The following CNTN4 variants were observed in gnomAD, a reference collection of about 807,000 sequenced individuals.
CNTN4 encodes contactin 4.
A neutral mutation model predicts 122.5 loss-of-function variants in CNTN4; 77 were observed. That is an observed-to-expected ratio of 0.63 (90% CI 0.52 to 0.76). The LOEUF (loss-of-function observed/expected upper bound fraction) is 0.76, where lower values mean the gene tolerates loss of function less well. Ranked by LOEUF, CNTN4 falls within the 30% of genes least tolerant of loss-of-function variation. The pLI, the probability that CNTN4 is intolerant of heterozygous loss-of-function variation, is 0.00. For synonymous variants in CNTN4, 512 were observed against 447.0 expected (o/e 1.15, Z -1.83); for missense variants, 1,256 against 1,259.1 (o/e 1.00, Z 0.04).
chr3:2,219,219 C>T (rs2038967537), intron 2 of CNTN4, among the ~76,000 whole-genome samples: 1 of 152,122 alleles, frequency 6.6e-6, no homozygotes, highest in Admixed American at 6.5e-5. Context: ...TAACCAGTTC[C>T]TTGTTTAACA....
At chr3:2,355,770 T>A (rs1575447635) in intron 3 of CNTN4, among the ~76,000 whole-genome samples, 1 of 152,282 alleles carries the variant, frequency 6.6e-6, no homozygotes, top group South Asian at 2.1e-4. Context: ...AATCTCCTGC[T>A]CCAAACAGTT....
chr3:2,729,197 A>G (rs2088461101), intron 4 of CNTN4, among the ~76,000 whole-genome samples: 1 of 152,232 alleles, frequency 6.6e-6, no homozygotes, highest in African/African-American at 2.4e-5. Context: ...CCCACGGAGT[A>G]GCCGCAGAGT....
chr3:2,678,090 C>T (rs939125624), intron 4 of CNTN4, among the ~76,000 whole-genome samples: 3 of 152,042 alleles, frequency 2.0e-5, no homozygotes, highest in Non-Finnish European at 2.9e-5. Context: ...AAAGGGGGTA[C>T]ATTTTCTTCT....
chr3:2,824,314 T>A (rs1303024213), intron 7 of CNTN4, among the ~76,000 whole-genome samples: 1 of 151,838 alleles, frequency 6.6e-6, no homozygotes, highest in Non-Finnish European at 1.5e-5. Context: ...ATACAAAAAT[T>A]AGTCTGCTGG....
At chr3:2,529,620 C>G (rs1414255335) in intron 3 of CNTN4, among the ~76,000 whole-genome samples, 1 of 152,064 alleles carries the variant, frequency 6.6e-6, no homozygotes, top group Admixed American at 6.5e-5. Context: ...GTCAAGAAAT[C>G]AACATGAGAG....
intron 6 of CNTN4, among the ~76,000 whole-genome samples, chr3:2,766,543 A>G (rs1412630933): frequency 6.6e-6 from 1 of 152,202 alleles, no homozygotes; most frequent in East Asian, 1.9e-4. Flanking sequence ...GAGCTAAGCT[A>G]TGAGGACGCA....
chr3:2,857,648 G>A (rs1041788766), intron 7 of CNTN4, among the ~76,000 whole-genome samples: 7 of 152,134 alleles, frequency 4.6e-5, no homozygotes, highest in Admixed American at 3.3e-4. Flanking sequence ...TGCGATTATG[G>A]TTCACTGCCG....
intron 2 of CNTN4, among the ~76,000 whole-genome samples, chr3:2,334,467 C>A (rs757742864): frequency 6.6e-6 from 1 of 152,090 alleles, no homozygotes; most frequent in African/African-American, 2.4e-5. Flanking sequence ...CCCATTTTAT[C>A]TTTTGAAGAA....
chr3:2,644,542 T>A (rs2150140582), intron 4 of CNTN4, among the ~76,000 whole-genome samples: 1 of 151,880 alleles, frequency 6.6e-6, no homozygotes, highest in Admixed American at 6.6e-5. Flanking sequence ...CATCACTCAA[T>A]TCAGATGTAT....
At chr3:2,800,337 G>A (rs572001936) in intron 6 of CNTN4, among the ~76,000 whole-genome samples, 53 of 151,438 alleles carry the variant, frequency 3.5e-4, no homozygotes, top group African/African-American at 1.2e-3. Context: ...AATTTTTTTC[G>A]GGTCTAGACT....
intron 9 of CNTN4, among the ~76,000 whole-genome samples, chr3:2,885,047 T>C (rs948073271): frequency 1.6e-4 from 24 of 152,226 alleles, no homozygotes; most frequent in Admixed American, 1.3e-3. Flanking sequence ...AGTTAGTGTC[T>C]GTCTAACGAA....
chr3:2,833,380 A>G (rs1576984035), intron 7 of CNTN4, among the ~76,000 whole-genome samples: 1 of 152,260 alleles, frequency 6.6e-6, no homozygotes, highest in Non-Finnish European at 1.5e-5. Context: ...TATAAAGAAC[A>G]TAAAATGAAA....
chr3:2,948,161 C>T lies in CNTN4; in HGVS notation c.1358+22382C>T, dbSNP rs572840367. ...TATATAAAGGCACTTTCATAGCTCA[C>T]TTTGTTAGAGTAGGTTCTGACCTAG... is the stretch of plus-strand genomic sequence containing the variant. On this transcript the variant is annotated intron_variant, in intron 13 of 24. Transcript: ENST00000418658. 2.0e-5 allele frequency among the ~76,000 whole-genome samples: 3 copies of T among 152,256 alleles called. No homozygotes were observed. The South Asian group carries it at 6.2e-4, about 32-fold the overall frequency.
intron 2 of CNTN4, among the ~76,000 whole-genome samples, chr3:2,319,564 C>G (rs1304477908): frequency 6.6e-6 from 1 of 150,450 alleles, no homozygotes; most frequent in Non-Finnish European, 1.5e-5. Flanking sequence ...GGGTGAAGAC[C>G]TTTGTGATGA....
intron 2 of CNTN4, among the ~76,000 whole-genome samples, chr3:2,275,749 G>A (rs752439653): frequency 1.4e-4 from 21 of 151,496 alleles, no homozygotes; most frequent in Non-Finnish European, 2.8e-4. Flanking sequence ...ATGAAACCCC[G>A]TTTCTACTGA....
At chr3:2,867,008 G>T in intron 8 of CNTN4, 59 bp downstream of exon 8, 1 of 1,445,998 alleles carries the variant, frequency 6.9e-7, no homozygotes. Flanking sequence ...GAATGTGGAG[G>T]TATGTTATGT....
chr3:2,851,175 A>G (rs1042988028), intron 7 of CNTN4, among the ~76,000 whole-genome samples: 5 of 152,218 alleles, frequency 3.3e-5, no homozygotes, highest in Non-Finnish European at 7.3e-5. Flanking sequence ...TATGGCGAAT[A>G]TACAGTTGCA....
At chr3:2,245,489 A>G (rs961237282) in intron 2 of CNTN4, among the ~76,000 whole-genome samples, 1 of 152,176 alleles carries the variant, frequency 6.6e-6, no homozygotes, top group East Asian at 1.9e-4. Context: ...ACACTGACCC[A>G]GAGGGTGATT....
intron 6 of CNTN4, among the ~76,000 whole-genome samples, chr3:2,803,525 A>G (rs2150076322): frequency 6.6e-6 from 1 of 152,186 alleles, no homozygotes; most frequent in East Asian, 1.9e-4. Flanking sequence ...GACAGTGGAA[A>G]GAATATATTA....
Sources: gnomAD v4.1 joint callset for allele counts (sites outside exome capture counted in the v4.1 genomes callset) on GRCh38, gnomAD v4.1.1 for gene constraint, MANE v1.5 for transcripts, NCBI Gene and HGNC (gene_info 2026-07-23, HGNC 2026-07-21) for gene names.